FAM120A: variants seen among roughly 807,000 people sequenced by gnomAD.
FAM120A encodes the protein family with sequence similarity 120 member A, also known as constitutive coactivator of PPAR-gamma-like protein 1.
A neutral mutation model predicts 109.7 loss-of-function variants in FAM120A; 15 were observed. The ratio of observed to expected loss-of-function variants is 0.14; its 90% CI spans 0.09 to 0.21. FAM120A has a LOEUF of 0.21. Among genes scored for constraint, FAM120A ranks in the 10% least tolerant of loss-of-function variants. The pLI, the probability that FAM120A is intolerant of heterozygous loss-of-function variation, is 1.00. For missense variants in FAM120A, 899 were observed against 1,439.3 expected (o/e 0.62, Z 6.07); for synonymous variants, 493 against 572.8 (o/e 0.86, Z 1.99).
intron 3 of FAM120A, among the ~76,000 whole-genome samples, chr9:93,488,715 C>T (rs1169907373): frequency 1.3e-5 from 2 of 152,142 alleles, no homozygotes; most frequent in African/African-American, 2.4e-5. Context: ...CCCTGCCATT[C>T]ATCCAAGGTA....
At chr9:93,547,605 C>T (rs191598036) in intron 11 of FAM120A, among the ~76,000 whole-genome samples, 2 of 152,306 alleles carry the variant, frequency 1.3e-5, no homozygotes, top group African/African-American at 2.4e-5. Flanking sequence ...AGACAACTCC[C>T]TGAGGCCCTA....
intron 13 of FAM120A, 41 bp from the exon 14 acceptor site, chr9:93,557,786 C>T: frequency 1.9e-6 from 3 of 1,585,240 alleles, no homozygotes; most frequent in Non-Finnish European, 2.6e-6. Flanking sequence ...ATTAAAACCC[C>T]CTGTGGATGG....
chr9:93,476,503 G>C (rs1858554023), intron 3 of FAM120A, among the ~76,000 whole-genome samples, 165 bp downstream of exon 3: 1 of 152,162 alleles, frequency 6.6e-6, no homozygotes, highest in African/African-American at 2.4e-5. Context: ...AAGCAACAAT[G>C]CTACCATCCC....
At chr9:93,518,470 G>A (rs559251761) in intron 7 of FAM120A, among the ~76,000 whole-genome samples, 5 of 152,214 alleles carry the variant, frequency 3.3e-5, no homozygotes, top group African/African-American at 9.6e-5. Context: ...TGAGGACCCC[G>A]GGACCTACGT....
In FAM120A at chr9:93,516,038, G is replaced by A. The variant is rs768880321; in HGVS notation, c.1187G>A (p.Ser396Asn). The stretch of plus-strand genomic sequence containing the variant: ...CCGGGCCAGGGTCCATACCCGTACA[G>A]CCTCTCTGAGCCAGCACCTCTCACT... The part of the protein sequence containing the change: ...GAPGQGPYPY[S>N]LSEPAPLTLD... The change falls in exon 7 of 18, where the codon AGC (serine) becomes AAC (asparagine). Residue 396 changes from serine (S) to asparagine (N), a missense_variant. This residue lies in a region of FAM120A where 5 missense variants were observed against 53.1 expected (regional missense o/e 0.09). Transcript: ENST00000277165. 6.9e-6 allele frequency: 11 copies of A among 1,601,864 alleles called. No homozygotes were observed. In the South Asian group the frequency reaches 1.2e-4, roughly 18 times the overall value.
At chr9:93,454,111 C>T (rs186762462) in intron 1 of FAM120A, among the ~76,000 whole-genome samples, 1 of 152,298 alleles carries the variant, frequency 6.6e-6, no homozygotes, top group Admixed American at 6.5e-5. Flanking sequence ...AGAATTCAGA[C>T]CAATGTGTCA....
chr9:93,505,065 T>G (rs1235141557), intron 5 of FAM120A, among the ~76,000 whole-genome samples: 1 of 136,278 alleles, frequency 7.3e-6, no homozygotes, highest in African/African-American at 2.8e-5. Flanking sequence ...TTTTTTTTTT[T>G]TTTTTTTTTT....
intron 7 of FAM120A, among the ~76,000 whole-genome samples, chr9:93,517,969 C>T (rs543217179): frequency 6.6e-6 from 1 of 152,272 alleles, no homozygotes; most frequent in Admixed American, 6.5e-5. Flanking sequence ...CATCTGACCT[C>T]TCCAAGTGCT....
At chr9:93,524,873 C>G (rs927467326) in intron 7 of FAM120A, among the ~76,000 whole-genome samples, 1 of 152,100 alleles carries the variant, frequency 6.6e-6, no homozygotes, top group Non-Finnish European at 1.5e-5. Context: ...CGGTGCCTGT[C>G]TCAGCACGTC....
chr9:93,513,139 A>G (rs906584453), intron 5 of FAM120A, among the ~76,000 whole-genome samples: 34 of 152,236 alleles, frequency 2.2e-4, no homozygotes, highest in African/African-American at 8.2e-4. Flanking sequence ...ATTGATTTAA[A>G]TTATATGGTT....
intron 7 of FAM120A, among the ~76,000 whole-genome samples, chr9:93,518,479 G>A (rs377654701): frequency 1.3e-5 from 2 of 152,168 alleles, no homozygotes; most frequent in Admixed American, 6.5e-5. Flanking sequence ...CGGGACCTAC[G>A]TTGCCTTTTC....
chr9:93,494,747 T>TA (rs1454817808), intron 3 of FAM120A, among the ~76,000 whole-genome samples: 1 of 152,180 alleles, frequency 6.6e-6, no homozygotes, highest in African/African-American at 2.4e-5. Flanking sequence ...TTCTGTGCTC[T>TA]TTCAGAAGCT....
intron 5 of FAM120A, among the ~76,000 whole-genome samples, chr9:93,511,284 G>A (rs397754506): frequency 6.6e-6 from 1 of 152,190 alleles, no homozygotes; most frequent in African/African-American, 2.4e-5. Flanking sequence ...TCTTCTGGGC[G>A]CCGGCCTCTG....
At chr9:93,474,084 G>T (rs200909804) in intron 2 of FAM120A, among the ~76,000 whole-genome samples, 1 of 99,840 alleles carries the variant, frequency 1.0e-5, no homozygotes, top group Non-Finnish European at 2.0e-5. Flanking sequence ...TGAAATAAAT[G>T]AAAAAATCAA....
chr9:93,497,733 C>A, intron 4 of FAM120A, 134 bp downstream of exon 4: 1 of 1,115,368 alleles, frequency 9.0e-7, no homozygotes, highest in Non-Finnish European at 1.2e-6. Flanking sequence ...CTTGCTCAGG[C>A]CACTGGAAGA....
In FAM120A at chr9:93,525,358, C is replaced by T. The variant is rs1861029776; in HGVS notation, c.1419-1797C>T. 2.0e-5 allele frequency among the ~76,000 whole-genome samples: 3 copies of T among 152,054 alleles called. No individual in the cohort carries two copies. In the South Asian group the frequency reaches 6.2e-4, roughly 32 times the overall value. ...TTCCTAACACTTGGCCTCCCCTGCC[C>T]CACCATCCTAGGTGCATGATCCTCT... On this transcript the variant is annotated intron_variant, in intron 7 of 17. Transcript: ENST00000277165.
intron 15 of FAM120A, among the ~76,000 whole-genome samples, chr9:93,559,204 T>G (rs192880502): frequency 3.2e-4 from 49 of 152,318 alleles, no homozygotes; most frequent in African/African-American, 1.1e-3. Flanking sequence ...TACTGTAGAT[T>G]CCCAGTGCTT....
chr9:93,477,526 C>G (rs1000698352), intron 3 of FAM120A, among the ~76,000 whole-genome samples: 1 of 152,168 alleles, frequency 6.6e-6, no homozygotes, highest in South Asian at 2.1e-4. Flanking sequence ...ATCTGTCATT[C>G]GGACTCTAAG....
At chr9:93,540,932 G>A (rs1168917688) in intron 10 of FAM120A, among the ~76,000 whole-genome samples, 1 of 152,090 alleles carries the variant, frequency 6.6e-6, no homozygotes, top group African/African-American at 2.4e-5. Context: ...CGATGAAAGG[G>A]AAAGAAAAAA....
Sources: allele counts gnomAD v4.1 joint callset (sites outside exome capture counted in the v4.1 genomes callset), GRCh38; gene constraint gnomAD v4.1.1; regional missense constraint gnomAD v4.1.1; transcripts MANE v1.5; gene names NCBI Gene and HGNC (gene_info 2026-07-23, HGNC 2026-07-21).